CSMD1: variants seen among roughly 807,000 people sequenced by gnomAD.
CSMD1 encodes CUB and sushi domain-containing protein 1.
A neutral mutation model predicts 417.5 loss-of-function variants in CSMD1; 213 were observed. The ratio of observed to expected loss-of-function variants is 0.51; its 90% confidence interval spans 0.46 to 0.57. The LOEUF (loss-of-function observed/expected upper bound fraction) is 0.57. Ranked by LOEUF, CSMD1 falls within the 20% of genes least tolerant of loss-of-function variation. CSMD1 has a pLI of 0.00. For synonymous variants in CSMD1, 2,862 were observed against 1,736.8 expected (o/e 1.65, Z -16.11); for missense variants, 6,923 against 4,529.7 (o/e 1.53, Z -15.17).
rs146202252 is a variant in CSMD1 at position 3,301,464 on chromosome 8, T to C, written c.3950+6231A>G. On this transcript the variant is annotated intron_variant, in intron 25 of 69. Transcript: ENST00000635120. ...ATTAGTACAGAAGGAAGGTAACTGA[T>C]GAAGAGAAATGATGAGATCAGGGAA... Among the ~76,000 whole-genome samples, 4 of 152,192 alleles carry C rather than the reference T, an allele frequency of 2.6e-5. No homozygotes were observed. In the East Asian group the frequency reaches 7.7e-4, roughly 29 times the overall value.
chr8:3,491,128 G>C (rs147221638), intron 11 of CSMD1, among the ~76,000 whole-genome samples: 2 of 152,286 alleles, frequency 1.3e-5, no homozygotes, highest in East Asian at 1.9e-4. Flanking sequence ...TTATAGAAGT[G>C]AAAGAATGCG....
At chr8:4,048,988 T>A (rs1311099662) in intron 3 of CSMD1, among the ~76,000 whole-genome samples, 1 of 152,170 alleles carries the variant, frequency 6.6e-6, no homozygotes, top group Non-Finnish European at 1.5e-5. Context: ...TCTCTAAGGT[T>A]GATACAAAGA....
intron 3 of CSMD1, among the ~76,000 whole-genome samples, chr8:4,337,860 A>C (rs2128893872): frequency 6.6e-6 from 1 of 152,282 alleles, no homozygotes; most frequent in Non-Finnish European, 1.5e-5. Context: ...TAAAGACTTT[A>C]AGAGTAAAAA....
chr8:4,305,158 G>C (rs1486485692), intron 3 of CSMD1, among the ~76,000 whole-genome samples: 1 of 152,192 alleles, frequency 6.6e-6, no homozygotes, highest in Non-Finnish European at 1.5e-5. Flanking sequence ...TATTTTGAAA[G>C]ATAGTTTTTA....
chr8:4,024,933 G>T (rs974216218), intron 4 of CSMD1, among the ~76,000 whole-genome samples: 2 of 152,198 alleles, frequency 1.3e-5, no homozygotes, highest in Admixed American at 6.5e-5. Context: ...GTGGTGTTCA[G>T]GTGAGGGAGC....
At chr8:4,839,353 C>A (rs1349081862) in intron 1 of CSMD1, among the ~76,000 whole-genome samples, 1 of 152,126 alleles carries the variant, frequency 6.6e-6, no homozygotes, top group Admixed American at 6.5e-5. Context: ...TACAACCAAG[C>A]AAATATATTT....
intron 12 of CSMD1, among the ~76,000 whole-genome samples, chr8:3,465,624 G>A (rs1816753512): frequency 6.6e-6 from 1 of 152,072 alleles, no homozygotes; most frequent in South Asian, 2.1e-4. Flanking sequence ...AAGATTTGAG[G>A]GTCCCCGAAA....
chr8:4,130,357 G>C (rs1229190058), intron 3 of CSMD1, among the ~76,000 whole-genome samples: 3 of 152,132 alleles, frequency 2.0e-5, no homozygotes, highest in Non-Finnish European at 4.4e-5. Context: ...AGTAATGGAA[G>C]TGGAATTTGA....
At chr8:4,145,816 G>C (rs1194897918) in intron 3 of CSMD1, among the ~76,000 whole-genome samples, 4 of 151,090 alleles carry the variant, frequency 2.6e-5, no homozygotes, top group African/African-American at 9.9e-5. Context: ...GGAATGCAAG[G>C]GTTGGAATGG....
chr8:4,286,925 T>C (rs1056193570), intron 3 of CSMD1, among the ~76,000 whole-genome samples: 11 of 152,178 alleles, frequency 7.2e-5, no homozygotes, highest in African/African-American at 2.4e-4. Context: ...TCAGTTTTGT[T>C]ATTGGATAGG....
intron 3 of CSMD1, among the ~76,000 whole-genome samples, chr8:4,242,035 T>G (rs1222049420): frequency 1.3e-5 from 2 of 152,168 alleles, no homozygotes; most frequent in African/African-American, 4.8e-5. Flanking sequence ...TTAATACCTT[T>G]TGACTTTGTG....
intron 3 of CSMD1, among the ~76,000 whole-genome samples, chr8:4,367,119 A>G (rs982761502): frequency 6.6e-6 from 1 of 152,130 alleles, no homozygotes; most frequent in African/African-American, 2.4e-5. Context: ...ATTGTTTACC[A>G]AGGCCAATGT....
chr8:4,029,675 G>T (rs183542706), intron 4 of CSMD1, among the ~76,000 whole-genome samples: 1 of 152,092 alleles, frequency 6.6e-6, no homozygotes, highest in African/African-American at 2.4e-5. Context: ...CAAATCTCAT[G>T]TCCTCACATT....
chr8:4,195,879 G>C (rs990920707), intron 3 of CSMD1, among the ~76,000 whole-genome samples: 1 of 152,132 alleles, frequency 6.6e-6, no homozygotes, highest in Non-Finnish European at 1.5e-5. Context: ...ACTTACGGCA[G>C]AGGACTCAGC....
intron 3 of CSMD1, among the ~76,000 whole-genome samples, chr8:4,104,418 A>ACACACATGCG (rs199726103): frequency 0.012 from 1,852 of 150,018 alleles, 42 homozygotes; most frequent in African/African-American, 0.042. Flanking sequence ...GCACACGCAC[A>ACACACATGCG]CACACATGCG....
intron 25 of CSMD1, among the ~76,000 whole-genome samples, chr8:3,288,516 G>C (rs866065934): frequency 2.0e-5 from 3 of 147,012 alleles, no homozygotes; most frequent in Non-Finnish European, 4.4e-5. Context: ...CTTCTTCCTG[G>C]TTTAGTCTTG....
At chr8:3,570,923 G>C (rs1176100789) in intron 10 of CSMD1, among the ~76,000 whole-genome samples, 1 of 152,164 alleles carries the variant, frequency 6.6e-6, no homozygotes, top group Non-Finnish European at 1.5e-5. Flanking sequence ...AATTATTCTA[G>C]TATGTGTAGG....
At chr8:3,378,403 G>C (rs1371823805) in intron 18 of CSMD1, among the ~76,000 whole-genome samples, 1 of 152,040 alleles carries the variant, frequency 6.6e-6, no homozygotes, top group Non-Finnish European at 1.5e-5. Flanking sequence ...TTTTATGAGG[G>C]CAGCATCATC....
At chr8:4,228,527 G>C (rs1801506617) in intron 3 of CSMD1, among the ~76,000 whole-genome samples, 1 of 149,846 alleles carries the variant, frequency 6.7e-6, no homozygotes, top group East Asian at 2.0e-4. Flanking sequence ...CTGTATCTTG[G>C]CTCTTCTACA....
Sources: gnomAD v4.1 joint callset for allele counts (sites outside exome capture counted in the v4.1 genomes callset) on GRCh38, gnomAD v4.1.1 for gene constraint, MANE v1.5 for transcripts, NCBI Gene and HGNC (gene_info 2026-07-23, HGNC 2026-07-21) for gene names.